MIB1: variants seen among roughly 807,000 people sequenced by gnomAD.
MIB1 encodes E3 ubiquitin-protein ligase MIB1.
Under a neutral mutation model 124.5 loss-of-function variants are expected in MIB1, and 278 were observed. The ratio of observed to expected loss-of-function variants is 2.23; its 90% CI spans 2.02 to 2.47. MIB1 has a LOEUF of 2.47. Among genes scored for constraint, MIB1 ranks in the 30% most tolerant of loss-of-function variants. The pLI is 0.00. For missense variants in MIB1, 957 were observed against 1,254.4 expected, an observed-to-expected ratio of 0.76 and a Z score of 3.58; for synonymous variants, 446 against 429.4, an observed-to-expected ratio of 1.04 and a Z score of -0.48.
chr18:21,803,284 T>C (rs2041669373), intron 9 of MIB1, among the ~76,000 whole-genome samples: 1 of 152,180 alleles, frequency 6.6e-6, no homozygotes, highest in South Asian at 2.1e-4. Flanking sequence ...ATTTTGTGGA[T>C]GGGATGTAAA....
chr18:21,751,941 C>G (rs117694880), intron 1 of MIB1, among the ~76,000 whole-genome samples: 2,440 of 152,300 alleles, frequency 0.016, 38 homozygotes, highest in East Asian at 0.069. Context: ...TGTAATACCA[C>G]TGTTGGACAT....
At chr18:21,734,031 G>A (rs1280315480) in intron 1 of MIB1, among the ~76,000 whole-genome samples, 1 of 151,768 alleles carries the variant, frequency 6.6e-6, no homozygotes, top group African/African-American at 2.4e-5. Context: ...GTCTCATTAA[G>A]CATCATCGAT....
intron 7 of MIB1, 124 bp from the exon 8 acceptor site, chr18:21,797,960 T>C: frequency 1.2e-6 from 1 of 837,154 alleles, no homozygotes. Context: ...TCAGTATGGT[T>C]ATCCTTTGAA....
In MIB1 at chr18:21,768,759, T is replaced by G. The variant is rs2041193789; in HGVS notation, c.531+7T>G. The G allele has an allele frequency of 3.7e-6, 6 of 1,605,798 alleles. No homozygotes were observed. The highest frequency in any genetic ancestry group is 5.1e-6 in the Non-Finnish European group (6 of 1,175,948). Reference sequence around the variant, plus strand: ...AAATGGACGTAGGGGAAAGGTACAGTGTTTCTCTGAATTCATTATGTATTC... The same window carrying G: ...AAATGGACGTAGGGGAAAGGTACAGGGTTTCTCTGAATTCATTATGTATTC... On this transcript the variant is annotated splice_region_variant and intron_variant, in intron 3 of 20. Transcript: ENST00000261537.
chr18:21,843,266 A>G, intron 14 of MIB1, 49 bp downstream of exon 14: 1 of 1,318,482 alleles, frequency 7.6e-7, no homozygotes. Flanking sequence ...TTAACCATAC[A>G]GATTTTTAGA....
chr18:21,727,462 G>A (rs1280835580), intron 1 of MIB1, among the ~76,000 whole-genome samples: 5 of 152,126 alleles, frequency 3.3e-5, no homozygotes, highest in African/African-American at 1.2e-4. Context: ...ACTAACACTG[G>A]CTGGGTGTGG....
rs1293546586 is a variant in MIB1, at chr18:21,867,638, ATAAT to A, written c.*2977_*2980del. 1.3e-5 allele frequency: 2 copies of A among 152,624 alleles called. No homozygotes were observed. Among genetic ancestry groups the A allele is most frequent in the African/African-American group, 4.8e-5 (2 of 41,468 alleles). 9.5% of individuals were successfully genotyped at this position (152,624 alleles called of 1,614,324 possible). On this transcript the variant is annotated 3_prime_UTR_variant, in exon 21 of 21. Transcript: ENST00000261537. ...AGCTATGGAAGCATAAAATTAATTG[ATAAT>A]TAATGTTGGAAATACATTTCTAAAA...
chr18:21,747,668 T>C (rs2040926602), intron 1 of MIB1, among the ~76,000 whole-genome samples: 1 of 152,216 alleles, frequency 6.6e-6, no homozygotes, highest in African/African-American at 2.4e-5. Context: ...ACCTTTCTAA[T>C]ATATGTACTT....
At chr18:21,756,114 G>A (rs571502275) in intron 1 of MIB1, among the ~76,000 whole-genome samples, 53 of 152,236 alleles carry the variant, frequency 3.5e-4, no homozygotes, top group African/African-American at 1.3e-3. Context: ...AGGAAATCAA[G>A]GATTTTATCA....
intron 11 of MIB1, among the ~76,000 whole-genome samples, chr18:21,818,194 A>G (rs2041847643): frequency 1.3e-5 from 2 of 152,194 alleles, no homozygotes; most frequent in Admixed American, 6.5e-5. Context: ...GCTTTGAAAA[A>G]TTACTCATGC....
intron 10 of MIB1, among the ~76,000 whole-genome samples, chr18:21,805,635 G>A (rs1043892048): frequency 3.3e-5 from 5 of 152,050 alleles, no homozygotes; most frequent in African/African-American, 9.7e-5. Context: ...AACTCCAATA[G>A]CAACAACTAC....
intron 4 of MIB1, among the ~76,000 whole-genome samples, chr18:21,776,306 C>T (rs922195262): frequency 5.3e-5 from 8 of 151,006 alleles, no homozygotes; most frequent in Non-Finnish European, 1.0e-4. Flanking sequence ...ACCAATTTGA[C>T]ACCTATGTCT....
chr18:21,759,680 A>G (rs1248250391), intron 1 of MIB1, among the ~76,000 whole-genome samples: 1 of 152,142 alleles, frequency 6.6e-6, no homozygotes, highest in East Asian at 1.9e-4. Flanking sequence ...ATGAACAATT[A>G]TGTTGTTTAC....
intron 18 of MIB1, among the ~76,000 whole-genome samples, chr18:21,856,798 C>T (rs1241572005): frequency 6.6e-6 from 1 of 152,154 alleles, no homozygotes; most frequent in Non-Finnish European, 1.5e-5. Flanking sequence ...TGACATTTGT[C>T]AATAGTATCT....
chr18:21,751,141 G>C (rs930580155), intron 1 of MIB1, among the ~76,000 whole-genome samples: 1 of 152,050 alleles, frequency 6.6e-6, no homozygotes, highest in Non-Finnish European at 1.5e-5. Context: ...GGCAGAGGTT[G>C]CAGTGAGCTG....
chr18:21,706,428 C>G (rs899767014), intron 1 of MIB1, among the ~76,000 whole-genome samples: 2 of 152,196 alleles, frequency 1.3e-5, no homozygotes, highest in African/African-American at 4.8e-5. Flanking sequence ...TTGAGGAGCC[C>G]TTCAGCCCGC....
chr18:21,812,196 G>A (rs1487414651), intron 10 of MIB1, among the ~76,000 whole-genome samples: 1 of 152,150 alleles, frequency 6.6e-6, no homozygotes, highest in African/African-American at 2.4e-5. Flanking sequence ...ACGACAAAGA[G>A]CACTCCAGGT....
intron 6 of MIB1, among the ~76,000 whole-genome samples, chr18:21,785,721 CAT>C (rs1568201083): frequency 6.6e-6 from 1 of 152,288 alleles, no homozygotes; most frequent in Middle Eastern, 3.4e-3. Flanking sequence ...TGTATCTTCA[CAT>C]GTTTTCTTTC....
intron 1 of MIB1, among the ~76,000 whole-genome samples, chr18:21,720,888 G>A (rs1301992545): frequency 1.3e-5 from 2 of 152,216 alleles, no homozygotes; most frequent in East Asian, 1.9e-4. Context: ...ACAGGAGTTC[G>A]AGGCTGCAGT....
Sources: allele counts gnomAD v4.1 joint callset (sites outside exome capture counted in the v4.1 genomes callset), GRCh38; gene constraint gnomAD v4.1.1; transcripts MANE v1.5; gene names NCBI Gene and HGNC (gene_info 2026-07-23, HGNC 2026-07-21).